Variants in PKHD1 observed in about 807,000 individuals in gnomAD.
PKHD1 encodes PKHD1 ciliary IPT domain containing fibrocystin/polyductin, also known as fibrocystin.
Under a neutral mutation model 412.0 loss-of-function variants are expected in PKHD1, and 291 were observed. The ratio of observed to expected loss-of-function variants is 0.71; its 90% confidence interval spans 0.64 to 0.78. The LOEUF is 0.78. PKHD1 is among the 30% of genes least tolerant of loss of function. PKHD1 has a pLI of 0.00. For synonymous variants in PKHD1, 1,777 were observed against 1,821.5 expected (o/e 0.98, Z 0.62); for missense variants, 4,825 against 4,950.7 (o/e 0.97, Z 0.76).
At chr6:51,767,486 T>C (rs1263804351) in intron 55 of PKHD1, among the ~76,000 whole-genome samples, 1 of 152,012 alleles carries the variant, frequency 6.6e-6, no homozygotes, top group African/African-American at 2.4e-5. Flanking sequence ...CCCACAACAG[T>C]CCCCAGAGTG....
At chr6:52,058,951 C>T (rs912744036) in intron 15 of PKHD1, among the ~76,000 whole-genome samples, 1 of 152,198 alleles carries the variant, frequency 6.6e-6, no homozygotes, top group African/African-American at 2.4e-5. Flanking sequence ...TTGATCACAT[C>T]AAAATCTATG....
intron 35 of PKHD1, among the ~76,000 whole-genome samples, chr6:51,991,438 A>C (rs770409208): frequency 5.9e-5 from 9 of 152,196 alleles, no homozygotes; most frequent in Non-Finnish European, 1.2e-4. Flanking sequence ...TAAAATTCCC[A>C]TTAGCAGATT....
At chr6:51,796,928 C>T (rs1296849901) in intron 52 of PKHD1, among the ~76,000 whole-genome samples, 1 of 151,368 alleles carries the variant, frequency 6.6e-6, no homozygotes, top group African/African-American at 2.4e-5. Flanking sequence ...ATTCCCTTGC[C>T]TCAGGCTCCT....
Position 52,025,590 on chromosome 6 carries a change from A to G in PKHD1, c.4220T>C (p.Leu1407Pro), listed in dbSNP as rs1464962854. The G allele has an allele frequency of 6.2e-7, 1 of 1,614,186 alleles. No individual in the cohort carries two copies. The highest frequency in any genetic ancestry group is 1.1e-5 in the South Asian group (1 of 91,074). ...GTTAAGAAGCAACCCCCTCACAGTA[A>G]GTATGGTCCCACCACATGCCGAACC... is the stretch of plus-strand genomic sequence containing the variant. ...SQGSACGGTI[L>P]TVRGLLLNSR... Residue 1407 changes from leucine (L) to proline (P), a missense_variant, in exon 32 of 67, where the codon CTT becomes CCT. Physicochemically the swap from Leu to Pro is moderately conservative, Grantham distance 98. Transcript: ENST00000371117.
At chr6:51,967,073 C>G (rs1792922285) in intron 35 of PKHD1, among the ~76,000 whole-genome samples, 1 of 152,048 alleles carries the variant, frequency 6.6e-6, no homozygotes, top group Admixed American at 6.6e-5. Flanking sequence ...AGCCAGATGG[C>G]CTTTCTAGTG....
chr6:52,079,017 C>T (rs149644266), intron 5 of PKHD1, among the ~76,000 whole-genome samples: 5 of 152,146 alleles, frequency 3.3e-5, no homozygotes, highest in African/African-American at 9.7e-5. Flanking sequence ...CAAGGTGAAG[C>T]CTTATTCCGA....
At position 51,874,822 on chromosome 6, in the gene PKHD1, G is replaced by T. The variant is rs1305990759; in HGVS notation, c.7351-4183C>A. Reference sequence around the variant, plus strand: ...TCCCAGCGTGAGCGACGCAGAAGACGGGTGATTTCTGCATTTCCATCTGAG... The same window carrying T: ...TCCCAGCGTGAGCGACGCAGAAGACTGGTGATTTCTGCATTTCCATCTGAG... On this transcript the variant is annotated intron_variant, in intron 46 of 66. Transcript: ENST00000371117. Among the ~76,000 whole-genome samples, 9 of 111,308 alleles carry T rather than the reference G, an allele frequency of 8.1e-5. 3 individuals carry two copies. Among genetic ancestry groups the T allele is most frequent in the Admixed American group, 2.2e-4 (2 of 9,032 alleles). The allele number at this position is 111,308 out of a possible 152,430, so 73.0% of individuals were successfully genotyped here.
intron 55 of PKHD1, among the ~76,000 whole-genome samples, chr6:51,769,045 T>G (rs900764821): frequency 6.6e-6 from 1 of 151,696 alleles, no homozygotes; most frequent in Non-Finnish European, 1.5e-5. Context: ...CTTTGTTCAC[T>G]TGAATGAAAC....
At chr6:51,715,430 C>T (rs773692854) in intron 60 of PKHD1, among the ~76,000 whole-genome samples, 2 of 152,028 alleles carry the variant, frequency 1.3e-5, no homozygotes, top group Non-Finnish European at 2.9e-5. Flanking sequence ...AAGGCCACCG[C>T]AATTTTGATT....
intron 61 of PKHD1, among the ~76,000 whole-genome samples, chr6:51,649,880 G>A (rs551168330): frequency 6.6e-6 from 1 of 152,286 alleles, no homozygotes; most frequent in Admixed American, 6.5e-5. Flanking sequence ...GTTGCATGAA[G>A]CATCTGAGGA....
At chr6:51,847,318 TCTCAAACTCC>T (rs1771365240) in intron 50 of PKHD1, among the ~76,000 whole-genome samples, 1 of 147,942 alleles carries the variant, frequency 6.8e-6, no homozygotes, top group Non-Finnish European at 1.5e-5. Context: ...CCCTGGCTGG[TCTCAAACTCC>T]TAGACTAAAG....
In PKHD1 at chr6:52,054,122, A is replaced by T. The variant is rs786204696; in HGVS notation, c.1880T>A (p.Met627Lys). The T allele has an allele frequency of 5.6e-6, 9 of 1,612,940 alleles. No homozygotes were observed. The highest frequency in any genetic ancestry group is 5.1e-6 in the Non-Finnish European group (6 of 1,178,910). The change falls in exon 20 of 67, where the codon ATG becomes AAG. Residue 627 changes from methionine (M) to lysine (K), a missense_variant. Transcript: ENST00000371117. ...YKGHMNKILKMIVSFTIGFQN... is the reference protein window; with the variant it reads ...YKGHMNKILKKIVSFTIGFQN... ...AAAGCCGATTGTGAAGGACACAATC[A>T]TCTTCAGGATCTTGTTCATGTGGCC...
rs755847061 is a variant in PKHD1, at chr6:51,847,944, A to G, written c.7938T>C (p.Ala2646=). 1.2e-6 allele frequency: 2 copies of G among 1,613,882 alleles called. No individual in the cohort carries two copies. ...GCACCAGCAGTAGGTAATTACCAGG[A>G]GCAAAGTTGTCAAAGGTTGCTGAGT... ...LQYSATFDNF[A]PGNYLLLVHT... Residue 2646 remains alanine (A), a synonymous_variant, in exon 50 of 67, where the codon GCT becomes GCC. Transcript: ENST00000371117.
chr6:52,053,215 A>C lies in PKHD1; in HGVS notation c.2001T>G (p.Cys667Trp). Residue 667 changes from cysteine (C) to tryptophan (W), a missense_variant, in exon 21 of 67, where the codon TGT (cysteine) becomes TGG (tryptophan). Physicochemically the swap from Cys to Trp is radical, Grantham distance 215 (BLOSUM62 -2). Coordinates refer to ENST00000371117, the MANE Select transcript of PKHD1 (RefSeq NM_138694.4). Reference protein sequence around the residue: ...QFDCTDLWETCVRCFGDLQPP... With the variant: ...QFDCTDLWETWVRCFGDLQPP... ...GCTGGAGATCCCCGAAGCAACGCAC[A>C]CAAGTCTCCCAGAGGTCAGTGCAAT... 1 of 1,614,230 alleles carries C rather than the reference A, an allele frequency of 6.2e-7. No individual in the cohort carries two copies. The highest frequency in any genetic ancestry group is 1.1e-5 in the South Asian group (1 of 91,084).
At chr6:51,731,285 T>C (rs1436689301) in intron 60 of PKHD1, among the ~76,000 whole-genome samples, 1 of 152,178 alleles carries the variant, frequency 6.6e-6, no homozygotes, top group Non-Finnish European at 1.5e-5. Context: ...CAGTTTATTA[T>C]TATGGCAAAA....
chr6:52,014,530 G>A (rs1007262700), intron 34 of PKHD1, among the ~76,000 whole-genome samples: 5 of 143,376 alleles, frequency 3.5e-5, no homozygotes, highest in African/African-American at 1.0e-4. Context: ...GATGGATGGA[G>A]AGATGGATGG....
intron 60 of PKHD1, among the ~76,000 whole-genome samples, chr6:51,663,257 C>A (rs1383887913): frequency 2.0e-5 from 3 of 151,996 alleles, no homozygotes; most frequent in African/African-American, 7.2e-5. Context: ...TTCAGCCATG[C>A]TGATGTTATT....
chr6:51,686,870 A>C (rs1286966285), intron 60 of PKHD1, among the ~76,000 whole-genome samples: 1 of 152,210 alleles, frequency 6.6e-6, no homozygotes, highest in Non-Finnish European at 1.5e-5. Flanking sequence ...TGATCTACTC[A>C]CTTGCATGTT....
Position 52,058,441 on chromosome 6 carries a change from C to G in PKHD1, c.1394G>C (p.Arg465Thr), listed in dbSNP as rs539359652. 6.2e-7 allele frequency: 1 copy of G among 1,614,176 alleles called. No homozygotes were observed. Among genetic ancestry groups the G allele is most frequent in the Non-Finnish European group, 8.5e-7 (1 of 1,180,020 alleles). ...AATCTGGACACCAATCCTCATCCCC[C>G]TGCTTGGGGCTATCCCATGATGCTC... is the stretch of plus-strand genomic sequence containing the variant. Reference protein sequence around the residue: ...EAEHHGIAPSRGMRIGVQIHN... With the variant: ...EAEHHGIAPSTGMRIGVQIHN... Residue 465 changes from arginine to threonine, a missense_variant, in exon 16 of 67, where the codon AGG becomes ACG. Transcript: ENST00000371117.
Sources: gnomAD v4.1 joint callset for allele counts (sites outside exome capture counted in the v4.1 genomes callset) on GRCh38, gnomAD v4.1.1 for gene constraint, MANE v1.5 for transcripts, NCBI Gene and HGNC (gene_info 2026-07-23, HGNC 2026-07-21) for gene names.